LARGE1: variants seen among roughly 807,000 people sequenced by gnomAD.
LARGE1 encodes xylosyl- and glucuronyltransferase LARGE1.
In LARGE1, 43 loss-of-function variants were observed where a neutral mutation model predicts 87.6. The ratio of observed to expected loss-of-function variants is 0.49; its 90% CI spans 0.38 to 0.63. The LOEUF (loss-of-function observed/expected upper bound fraction) is 0.63. LARGE1 is among the 30% of genes least tolerant of loss of function. The pLI, the probability that LARGE1 is intolerant of heterozygous loss-of-function variation, is 0.00. For missense variants in LARGE1, 802 were observed against 1,000.2 expected (o/e 0.80, Z 2.67); for synonymous variants, 434 against 394.6 (o/e 1.10, Z -1.18).
chr22:33,250,942 T>C (rs1249949774), intron 11 of LARGE1, among the ~76,000 whole-genome samples: 1 of 152,226 alleles, frequency 6.6e-6, no homozygotes, highest in Non-Finnish European at 1.5e-5. Context: ...ATGGGAGATA[T>C]TGGTCTGTAG....
chr22:33,663,209 T>C (rs574319077), intron 2 of LARGE1, among the ~76,000 whole-genome samples: 1 of 152,234 alleles, frequency 6.6e-6, no homozygotes, highest in African/African-American at 2.4e-5. Context: ...TAACGCTTTA[T>C]TGGGATGGGC....
chr22:33,262,984 G>C lies in LARGE1; in HGVS notation c.1730+41245C>G, dbSNP rs960047413. 9.3e-5 allele frequency among the ~76,000 whole-genome samples: 14 copies of C among 151,350 alleles called. No individual in the cohort carries two copies. In the South Asian group the frequency reaches 1.1e-3, roughly 11 times the overall value. ...CTCAGCTCACTGAAACCTCCATCTT[G>C]GGGGTTCAAGTGATTCTTCTGCCTC... On this transcript the variant is annotated intron_variant, in intron 11 of 11. Transcript: ENST00000608642.
chr22:33,664,271 C>G (rs1243278031), intron 2 of LARGE1, among the ~76,000 whole-genome samples: 11 of 152,206 alleles, frequency 7.2e-5, no homozygotes, highest in Non-Finnish European at 1.6e-4. Context: ...GGATTTCCAC[C>G]TCCAAAACCT....
chr22:33,172,693 C>T (rs763700458), intron 11 of LARGE1, among the ~76,000 whole-genome samples: 57 of 151,942 alleles, frequency 3.8e-4, no homozygotes, highest in Non-Finnish European at 7.6e-4. Context: ...GTGCTCTATT[C>T]GAGAACTTCA....
intron 4 of LARGE1, among the ~76,000 whole-genome samples, chr22:33,607,461 C>CAAAAAAAAA (rs1217376084): frequency 3.4e-5 from 2 of 57,994 alleles, no homozygotes; most frequent in Non-Finnish European, 6.3e-5. Context: ...AACTGCATCT[C>CAAAAAAAAA]AAAAAAAAAA....
At chr22:33,844,216 T>C (rs766680364) in intron 1 of LARGE1, among the ~76,000 whole-genome samples, 5 of 152,172 alleles carry the variant, frequency 3.3e-5, no homozygotes, top group Non-Finnish European at 5.9e-5. Context: ...CTTGGTTTTA[T>C]TGAGGGCAAA....
At chr22:33,337,268 G>GCACT (rs985212122) in intron 10 of LARGE1, among the ~76,000 whole-genome samples, 1 of 152,096 alleles carries the variant, frequency 6.6e-6, no homozygotes, top group African/African-American at 2.4e-5. Context: ...GTTTCCCCAT[G>GCACT]CACTGACTAC....
At chr22:33,068,893 T>G in the LARGE1 span, among the ~76,000 whole-genome samples, 1 of 152,198 alleles carries the variant, frequency 6.6e-6, no homozygotes, top group Non-Finnish European at 1.5e-5. Flanking sequence ...AAAGGGGCTC[T>G]CTGGGTGGAC....
intron 9 of LARGE1, among the ~76,000 whole-genome samples, chr22:33,345,487 A>C (rs1939642842): frequency 6.6e-6 from 1 of 152,232 alleles, no homozygotes; most frequent in Non-Finnish European, 1.5e-5. Context: ...CAGAGCCTCC[A>C]GTCTGGCAGG....
chr22:33,746,961 CT>C lies in LARGE1; in HGVS notation c.106+14409del, dbSNP rs1601509187. ...AAATACAGACACCTGGGCACCTCCC[CT>C]GAGGAACCCCATTTAGTAGATCTAG... is the stretch of plus-strand genomic sequence containing the variant. On this transcript the variant is annotated intron_variant, in intron 2 of 14. Transcript: ENST00000397394. Among the ~76,000 whole-genome samples the C allele has an allele frequency of 3.9e-5, 6 of 152,266 alleles. No homozygotes were observed. The South Asian group carries it at 8.3e-4, about 21-fold the overall frequency.
chr22:33,438,403 A>C (rs967528015), intron 6 of LARGE1, among the ~76,000 whole-genome samples: 10 of 152,230 alleles, frequency 6.6e-5, no homozygotes, highest in Admixed American at 3.9e-4. Context: ...GTTATGATTA[A>C]GTGCGCTGTT....
chr22:33,695,583 C>T (rs240079), intron 2 of LARGE1, among the ~76,000 whole-genome samples: 76,086 of 151,968 alleles, frequency 0.5, 19,281 homozygotes, highest in African/African-American at 0.56. Flanking sequence ...ATATTTGCTT[C>T]TATCATATTT....
chr22:33,211,518 A>C (rs536476529), intron 11 of LARGE1, among the ~76,000 whole-genome samples: 1 of 151,908 alleles, frequency 6.6e-6, no homozygotes, highest in East Asian at 1.9e-4. Context: ...CAAACCTGTA[A>C]TCCCAGCACT....
At chr22:33,502,195 TAAA>T (rs35022342) in intron 6 of LARGE1, among the ~76,000 whole-genome samples, 5 of 140,802 alleles carry the variant, frequency 3.6e-5, no homozygotes, top group South Asian at 2.4e-4. Flanking sequence ...GACCCCATCT[TAAA>T]AAAAAAAAAA....
intron 1 of LARGE1, among the ~76,000 whole-genome samples, chr22:33,821,990 G>A (rs560020006): frequency 2.0e-5 from 3 of 147,060 alleles, no homozygotes; most frequent in Non-Finnish European, 3.0e-5. Context: ...TTTCTATTGC[G>A]GGTATATTTA....
At chr22:33,726,441 GT>G (rs1302656047) in intron 2 of LARGE1, among the ~76,000 whole-genome samples, 1 of 152,158 alleles carries the variant, frequency 6.6e-6, no homozygotes, top group African/African-American at 2.4e-5. Context: ...TTCAGGACAA[GT>G]TTTTCCCTGC....
chr22:33,582,073 T>C (rs1305713394), intron 5 of LARGE1, among the ~76,000 whole-genome samples: 6 of 152,156 alleles, frequency 3.9e-5, no homozygotes, highest in Non-Finnish European at 5.9e-5. Context: ...AAGGGCAATT[T>C]TGCCCCCAAA....
the LARGE1 span, among the ~76,000 whole-genome samples, chr22:33,145,902 AC>A: frequency 6.6e-6 from 1 of 152,202 alleles, no homozygotes; most frequent in Non-Finnish European, 1.5e-5. Flanking sequence ...TCAAAATTCA[AC>A]ATCCTGGGTG....
At chr22:33,248,353 A>T (rs1324353266) in intron 11 of LARGE1, among the ~76,000 whole-genome samples, 3 of 152,072 alleles carry the variant, frequency 2.0e-5, no homozygotes, top group Non-Finnish European at 4.4e-5. Flanking sequence ...ACACCTAGCT[A>T]ATTTTTTTGT....
Sources: gnomAD v4.1 joint callset for allele counts (sites outside exome capture counted in the v4.1 genomes callset) on GRCh38, gnomAD v4.1.1 for gene constraint, MANE v1.5 for transcripts, NCBI Gene and HGNC (gene_info 2026-07-23, HGNC 2026-07-21) for gene names.